RBMS3: variants seen among roughly 807,000 people sequenced by gnomAD.
The protein encoded by RBMS3 is RNA-binding motif, single-stranded-interacting protein 3.
Under a neutral mutation model 66.8 loss-of-function variants are expected in RBMS3, and 27 were observed. The ratio of observed to expected loss-of-function variants is 0.40; its 90% CI spans 0.30 to 0.56. The LOEUF (loss-of-function observed/expected upper bound fraction) is 0.56. RBMS3 is among the 20% of genes least tolerant of loss of function. RBMS3 has a pLI of 0.40. For missense variants in RBMS3, 513 were observed against 549.5 expected (o/e 0.93, Z 0.66); for synonymous variants, 188 against 183.0 (o/e 1.03, Z -0.22).
intron 1 of RBMS3, among the ~76,000 whole-genome samples, chr3:29,325,645 TAC>T (rs139930927): frequency 0.14 from 20,311 of 146,716 alleles, 1,447 homozygotes; most frequent in Middle Eastern, 0.17. Context: ...TATATACACA[TAC>T]ACACACACAC....
At chr3:29,334,519 C>T (rs1331005611) in intron 1 of RBMS3, among the ~76,000 whole-genome samples, 1 of 151,602 alleles carries the variant, frequency 6.6e-6, no homozygotes, top group Admixed American at 6.6e-5. Flanking sequence ...TTTTTTTTTG[C>T]AGCTGTGAGG....
chr3:29,492,529 G>A (rs1318404156), intron 3 of RBMS3, among the ~76,000 whole-genome samples: 3 of 152,164 alleles, frequency 2.0e-5, no homozygotes, highest in Non-Finnish European at 4.4e-5. Context: ...AATCCAGAAA[G>A]TATCTGCGGA....
chr3:29,802,536 A>G (rs1413676656), intron 6 of RBMS3, among the ~76,000 whole-genome samples: 1 of 152,222 alleles, frequency 6.6e-6, no homozygotes, highest in East Asian at 1.9e-4. Flanking sequence ...TCATTTTAAC[A>G]TGCATCGTCC....
chr3:29,905,968 T>A (rs1319225844), intron 10 of RBMS3, among the ~76,000 whole-genome samples: 1 of 152,114 alleles, frequency 6.6e-6, no homozygotes, highest in Non-Finnish European at 1.5e-5. Flanking sequence ...TTTAATGCAT[T>A]TTATGAAGTT....
intron 6 of RBMS3, among the ~76,000 whole-genome samples, chr3:29,829,980 T>TAA (rs71628537): frequency 6.7e-5 from 10 of 149,334 alleles, no homozygotes; most frequent in Non-Finnish European, 1.2e-4. Flanking sequence ...AGGGAATTAA[T>TAA]AAAAAAAAAA....
intron 4 of RBMS3, among the ~76,000 whole-genome samples, chr3:29,692,271 C>T (rs954411004): frequency 4.0e-5 from 6 of 151,786 alleles, no homozygotes; most frequent in Non-Finnish European, 7.4e-5. Context: ...TGTGAGCCAC[C>T]GCGCCCGACC....
At chr3:29,492,489 G>A (rs1384344424) in intron 3 of RBMS3, among the ~76,000 whole-genome samples, 1 of 152,156 alleles carries the variant, frequency 6.6e-6, no homozygotes, top group Non-Finnish European at 1.5e-5. Flanking sequence ...GCCAAGAAAT[G>A]AAACAGGAGT....
chr3:29,777,901 A>G (rs1205096365), intron 6 of RBMS3, among the ~76,000 whole-genome samples: 2 of 151,798 alleles, frequency 1.3e-5, no homozygotes, highest in African/African-American at 4.8e-5. Context: ...CTTGTAGTAC[A>G]TTGGGGTTGT....
intron 14 of RBMS3, among the ~76,000 whole-genome samples, chr3:29,999,459 C>A (rs1289123963): frequency 6.6e-6 from 1 of 152,162 alleles, no homozygotes; most frequent in African/African-American, 2.4e-5. Flanking sequence ...AAGGCACATG[C>A]ACATGTATGT....
chr3:29,785,247 C>T (rs1032016661), intron 6 of RBMS3, among the ~76,000 whole-genome samples: 3 of 152,048 alleles, frequency 2.0e-5, no homozygotes, highest in African/African-American at 4.8e-5. Flanking sequence ...TCTTGATGAA[C>T]ATAAATGCAA....
At chr3:29,677,510 T>C (rs2051306031) in intron 4 of RBMS3, among the ~76,000 whole-genome samples, 1 of 152,162 alleles carries the variant, frequency 6.6e-6, no homozygotes, top group East Asian at 1.9e-4. Context: ...AATTTGAATA[T>C]TTTTGTTTGG....
intron 3 of RBMS3, among the ~76,000 whole-genome samples, chr3:29,500,432 A>C (rs2148935642): frequency 6.7e-6 from 1 of 148,652 alleles, no homozygotes; most frequent in South Asian, 2.1e-4. Context: ...TATATATATA[A>C]TTTTATTATA....
chr3:29,370,350 G>C (rs1559525124), intron 1 of RBMS3, among the ~76,000 whole-genome samples: 1 of 152,192 alleles, frequency 6.6e-6, no homozygotes, highest in Non-Finnish European at 1.5e-5. Context: ...TGTTCAGGTT[G>C]TACATCCATT....
chr3:29,760,383 T>C (rs2055625264), intron 5 of RBMS3, among the ~76,000 whole-genome samples: 1 of 152,050 alleles, frequency 6.6e-6, no homozygotes, highest in African/African-American at 2.4e-5. Context: ...CAAGCAAGCT[T>C]TAGATTCTTA....
chr3:29,781,769 A>G (rs985068177), intron 6 of RBMS3, among the ~76,000 whole-genome samples: 9 of 152,032 alleles, frequency 5.9e-5, no homozygotes, highest in Non-Finnish European at 1.3e-4. Flanking sequence ...CTGCCTGGAA[A>G]TAGACTCAGT....
Position 29,917,830 on chromosome 3 carries a change from CCTT to C in RBMS3, c.939+18078_939+18080del, listed in dbSNP as rs1559798457. On this transcript the variant is annotated intron_variant, in intron 10 of 14. Coordinates refer to ENST00000383767, the MANE Select transcript of RBMS3 (RefSeq NM_001003793.3). ...TACTTTGTAACAAAACGTTTGTGAA[CCTT>C]CTAGAAAATTCCAGGCATCAGCAAG... 2.6e-5 allele frequency among the ~76,000 whole-genome samples: 4 copies of C among 152,082 alleles called. No homozygotes were observed. The South Asian group carries it at 8.3e-4, about 31-fold the overall frequency.
At chr3:29,851,431 A>C (rs953792797) in intron 6 of RBMS3, among the ~76,000 whole-genome samples, 1 of 152,132 alleles carries the variant, frequency 6.6e-6, no homozygotes, top group East Asian at 1.9e-4. Flanking sequence ...TGGTTCTGAC[A>C]CTTATTAGCT....
At chr3:29,329,035 A>G (rs796620713) in intron 1 of RBMS3, among the ~76,000 whole-genome samples, 2 of 152,262 alleles carry the variant, frequency 1.3e-5, no homozygotes, top group African/African-American at 4.8e-5. Context: ...AATTTTCTGC[A>G]ATTTAAATCA....
chr3:29,451,824 A>G (rs1946823), intron 2 of RBMS3, among the ~76,000 whole-genome samples: 30,434 of 152,122 alleles, frequency 0.2, 3,765 homozygotes, highest in East Asian at 0.43. Context: ...CTGTTTTTCA[A>G]GAAAGTTTCC....
Sources: gnomAD v4.1 joint callset for allele counts (sites outside exome capture counted in the v4.1 genomes callset) on GRCh38, gnomAD v4.1.1 for gene constraint, MANE v1.5 for transcripts, NCBI Gene and HGNC (gene_info 2026-07-23, HGNC 2026-07-21) for gene names.